Variants in FAM13B observed in about 807,000 individuals in gnomAD.
FAM13B encodes protein FAM13B.
Under a neutral mutation model 117.3 loss-of-function variants are expected in FAM13B, and 60 were observed. That is an observed-to-expected ratio of 0.51 (90% CI 0.42 to 0.63). The LOEUF (loss-of-function observed/expected upper bound fraction) is 0.63, where lower values mean the gene tolerates loss of function less well. FAM13B is among the 30% of genes least tolerant of loss of function. The probability of loss-of-function intolerance (pLI) is 0.00; values close to 1 mark genes in which losing one functional copy is unlikely to be tolerated. For synonymous variants in FAM13B, 332 were observed against 356.1 expected (o/e 0.93, Z 0.76); for missense variants, 972 against 1,091.9 (o/e 0.89, Z 1.55).
intron 5 of FAM13B, 40 bp downstream of exon 5, chr5:138,011,728 A>G (rs760552442): frequency 8.0e-6 from 12 of 1,508,086 alleles, no homozygotes; most frequent in Non-Finnish European, 1.1e-5. Context: ...TCACATATCT[A>G]ATTTTTAAAA....
chr5:137,953,398 T>C lies in FAM13B; in HGVS notation c.1786A>G (p.Lys596Glu). Reference sequence around the variant, plus strand: ...TGTCTGATTTTCTTCTGAAGTTTCTTGACCAGCTGATAAGGTGTTCTGTCC... The same window carrying C: ...TGTCTGATTTTCTTCTGAAGTTTCTCGACCAGCTGATAAGGTGTTCTGTCC... ...REDRTPYQLV[K>E]KLQKKIRQFE... The change falls in exon 16 of 24, where the codon AAG becomes GAG. Residue 596 changes from lysine to glutamate, a missense_variant. Transcript: ENST00000689681. 1 of 1,613,986 alleles carries C rather than the reference T, an allele frequency of 6.2e-7. No individual in the cohort carries two copies. The highest frequency in any genetic ancestry group is 8.5e-7 in the Non-Finnish European group (1 of 1,179,896).
intron 10 of FAM13B, among the ~76,000 whole-genome samples, chr5:137,971,362 C>T (rs1470369306): frequency 6.6e-6 from 1 of 151,992 alleles, no homozygotes; most frequent in East Asian, 1.9e-4. Flanking sequence ...TGAATGACTA[C>T]TGGGTACATA....
chr5:137,960,970 T>C (rs1373982626), intron 11 of FAM13B, among the ~76,000 whole-genome samples: 1 of 152,194 alleles, frequency 6.6e-6, no homozygotes, highest in Non-Finnish European at 1.5e-5. Context: ...CATCGAGATG[T>C]CACTTCTAAC....
chr5:137,970,786 A>G (rs1287647691), intron 10 of FAM13B, among the ~76,000 whole-genome samples: 3 of 152,134 alleles, frequency 2.0e-5, no homozygotes, highest in Non-Finnish European at 2.9e-5. Context: ...CAAATGGAAA[A>G]CAAAAAAAGG....
At chr5:137,946,132 G>A (rs2150149915) in intron 19 of FAM13B, 96 bp downstream of exon 19, 1 of 1,279,314 alleles carries the variant, frequency 7.8e-7, no homozygotes, top group Non-Finnish European at 1.1e-6. Context: ...AGGAAATAAT[G>A]CTCAAAAAAC....
intron 7 of FAM13B, among the ~76,000 whole-genome samples, chr5:138,003,994 C>T (rs944368193): frequency 4.6e-5 from 7 of 152,104 alleles, no homozygotes; most frequent in African/African-American, 1.4e-4. Flanking sequence ...ACTGGCCAGG[C>T]GTGGTAGCTC....
At chr5:138,010,947 A>G (rs1298656819) in intron 6 of FAM13B, 61 bp downstream of exon 6, 27 of 1,350,200 alleles carry the variant, frequency 2.0e-5, no homozygotes, top group Admixed American at 3.8e-5. Flanking sequence ...CTTTAAGAGC[A>G]TATTATTCTT....
rs746120041 is a variant in FAM13B at position 137,943,188 on chromosome 5, T to C, written c.2369A>G (p.Gln790Arg). 6 of 1,614,094 alleles carry C rather than the reference T, an allele frequency of 3.7e-6. No individual in the cohort carries two copies. Among genetic ancestry groups the C allele is most frequent in the Non-Finnish European group, 5.1e-6 (6 of 1,179,980 alleles). Residue 790 changes from glutamine to arginine, a missense_variant, in exon 21 of 24, where the codon CAG becomes CGG. Physicochemically the swap from Gln to Arg is conservative, Grantham distance 43. Transcript: ENST00000689681. ...TCCTTCTATGATTGGCTGTAACATC[T>C]GACCCCTTCGCTTGGTGGATGGAGA... ...LGSPSTKRRG[Q>R]MLQPIIEGET... is the part of the protein sequence containing the mutation.
chr5:137,976,796 G>A (rs1368724781), intron 10 of FAM13B, among the ~76,000 whole-genome samples: 1 of 151,956 alleles, frequency 6.6e-6, no homozygotes, highest in African/African-American at 2.4e-5. Context: ...CATCATTTTT[G>A]TAAACTGAGG....
chr5:138,006,497 T>C (rs1279402401), intron 7 of FAM13B, among the ~76,000 whole-genome samples: 1 of 152,248 alleles, frequency 6.6e-6, no homozygotes, highest in African/African-American at 2.4e-5. Context: ...CCCAGCTATG[T>C]GCTGGGATAG....
chr5:137,963,901 A>G (rs1290244774), intron 10 of FAM13B, among the ~76,000 whole-genome samples: 2 of 152,160 alleles, frequency 1.3e-5, no homozygotes, highest in Non-Finnish European at 2.9e-5. Context: ...CCAAAACCCC[A>G]ACCCCCTATC....
rs34781504 is a variant in FAM13B, at chr5:137,966,100, T to TA, written c.1180-3632dup. 4.1e-3 allele frequency among the ~76,000 whole-genome samples: 616 copies of TA among 150,790 alleles called. 5 individuals are homozygous for TA. The highest frequency in any genetic ancestry group is 0.015 in the African/African-American group (599 of 40,940). Reference sequence around the variant, plus strand: ...TTTACTACAGAATCTAGTAGCACATTAAAAAAAAAATTCTATTTTGCAAAA... The same window carrying TA: ...TTTACTACAGAATCTAGTAGCACATTAAAAAAAAAAATTCTATTTTGCAAAA... On this transcript the variant is annotated intron_variant, in intron 10 of 23. Coordinates refer to ENST00000689681, the MANE Select transcript of FAM13B (RefSeq NM_001385994.1).
At chr5:137,970,678 G>A (rs1771814641) in intron 10 of FAM13B, among the ~76,000 whole-genome samples, 1 of 152,174 alleles carries the variant, frequency 6.6e-6, no homozygotes, top group African/African-American at 2.4e-5. Flanking sequence ...ATTGGACAAA[G>A]GGTCAAGACC....
chr5:137,976,763 TCTTTA>T (rs769488644), intron 10 of FAM13B, among the ~76,000 whole-genome samples: 3 of 152,224 alleles, frequency 2.0e-5, no homozygotes, highest in East Asian at 1.9e-4. Flanking sequence ...CCTATGCCTG[TCTTTA>T]CTTTAATCTC....
chr5:137,969,775 G>A (rs1230374567), intron 10 of FAM13B, among the ~76,000 whole-genome samples: 1 of 152,120 alleles, frequency 6.6e-6, no homozygotes, highest in Non-Finnish European at 1.5e-5. Flanking sequence ...AGGAGCTGAT[G>A]TAGCTGAAAA....
At position 137,947,421 on chromosome 5, in the gene FAM13B, T is replaced by C. The variant is rs968539368; in HGVS notation, c.2161-1110A>G. 2.6e-5 allele frequency among the ~76,000 whole-genome samples: 4 copies of C among 152,130 alleles called. 1 individual carries two copies. Among genetic ancestry groups the C allele is most frequent in the Admixed American group, 2.6e-4 (4 of 15,276 alleles). The stretch of plus-strand genomic sequence containing the variant: ...TACATTTGCATAAAGTTGTAGCAGG[T>C]AGGGGAATATTTATTCTAACATAAA... On this transcript the variant is annotated intron_variant, in intron 18 of 23. Coordinates refer to ENST00000689681, the MANE Select transcript of FAM13B (RefSeq NM_001385994.1).
At chr5:138,015,372 A>G (rs1001347441) in intron 4 of FAM13B, among the ~76,000 whole-genome samples, 8 of 152,336 alleles carry the variant, frequency 5.3e-5, no homozygotes, top group Middle Eastern at 3.4e-3. Flanking sequence ...AAAGCAATTA[A>G]CTGTCATGTA....
intron 17 of FAM13B, among the ~76,000 whole-genome samples, chr5:137,951,908 C>A (rs1465507656): frequency 1.3e-5 from 2 of 151,912 alleles, no homozygotes; most frequent in Non-Finnish European, 2.9e-5. Flanking sequence ...ACCCAGGAGG[C>A]AGAGGTTGCA....
In FAM13B at chr5:137,939,792, T is replaced by C. The variant is rs564114888; in HGVS notation, c.*433A>G. ...TTTTATAGGCTTTTCTTTCAAATTT[T>C]CAGTCATTCTGTAAGAAAAAGGCAA... On this transcript the variant is annotated 3_prime_UTR_variant, in exon 24 of 24. Transcript: ENST00000689681. The C allele has an allele frequency of 1.7e-5, 19 of 1,141,706 alleles. No homozygotes were observed. The African/African-American group carries it at 3.0e-4, about 18-fold the overall frequency. 70.7% of individuals were successfully genotyped at this position (1,141,706 alleles called of 1,614,324 possible).
Sources: allele counts gnomAD v4.1 joint callset (sites outside exome capture counted in the v4.1 genomes callset), GRCh38; gene constraint gnomAD v4.1.1; transcripts MANE v1.5; gene names NCBI Gene and HGNC (gene_info 2026-07-23, HGNC 2026-07-21).